Variants in SPEG observed in about 807,000 individuals in gnomAD.
SPEG encodes the protein striated muscle enriched protein kinase.
Under a neutral mutation model 300.4 loss-of-function variants are expected in SPEG, and 114 were observed. The ratio of observed to expected loss-of-function variants is 0.38; its 90% CI spans 0.33 to 0.44. SPEG has a LOEUF of 0.44. Among genes scored for constraint, SPEG ranks in the 20% least tolerant of loss-of-function variants. The pLI is 1.00. For synonymous variants in SPEG, 1,964 were observed against 2,018.9 expected, an observed-to-expected ratio of 0.97 and a Z score of 0.73; for missense variants, 4,201 against 4,586.2, an observed-to-expected ratio of 0.92 and a Z score of 2.43.
In SPEG at chr2:219,479,643, C is replaced by T. The variant is rs188409205; in HGVS notation, c.5086-140C>T. 170 of 737,002 alleles carry T rather than the reference C, an allele frequency of 2.3e-4. No individual in the cohort carries two copies. The highest frequency in any genetic ancestry group is 3.5e-4 in the Non-Finnish European group (150 of 423,644). The allele number at this position is 737,002 out of a possible 1,614,324, so 45.7% of individuals were successfully genotyped here. A position where few individuals can be genotyped will look rare whatever the true frequency, so the allele number is the denominator to read the frequency against. On this transcript the variant is annotated intron_variant, in intron 23 of 40. Coordinates refer to ENST00000312358, the MANE Select transcript of SPEG (RefSeq NM_005876.5). The surrounding 1 kb of genome is among the most constrained non-coding windows in gnomAD (Gnocchi z 5.5). ...TGCATATGGTAGCCTTGGATCTTTG[C>T]AACCCCAAACCTGTTTCAGCCCCTT... is the stretch of plus-strand genomic sequence containing the variant.
At position 219,443,986 on chromosome 2, in the gene SPEG, C is replaced by T; in HGVS notation, c.389-667C>T. The T allele has an allele frequency of 2.2e-6, 3 of 1,358,584 alleles. No individual in the cohort carries two copies. The highest frequency in any genetic ancestry group is 2.9e-6 in the Non-Finnish European group (3 of 1,017,590). The allele number at this position is 1,358,584 out of a possible 1,614,324, so 84.2% of individuals were successfully genotyped here. ...CCCTGCCCCACAAACGCTCTGATAA[C>T]AGTCTGTCCCTGTCTCTCTCCTGCT... On this transcript the variant is annotated intron_variant, in intron 1 of 40. Transcript: ENST00000312358. This position sits in a 1 kb window ranked among gnomAD's most constrained non-coding sequence, Gnocchi z 4.6.
Position 219,479,261 on chromosome 2 carries a change from G to T in SPEG, c.5085+60G>T. 6.8e-7 allele frequency: 1 copy of T among 1,464,372 alleles called. No homozygotes were observed. The highest frequency in any genetic ancestry group is 1.2e-5 in the South Asian group (1 of 86,940). The allele number at this position is 1,464,372 out of a possible 1,614,324, so 90.7% of individuals were successfully genotyped here. A position where few individuals can be genotyped will look rare whatever the true frequency, so the allele number is the denominator to read the frequency against. ...ACCAGCCTTCACCCACCTGAGCTTT[G>T]AGAACCAACAAATGGGTCCTGAGTG... is the stretch of plus-strand genomic sequence containing the variant. On this transcript the variant is annotated intron_variant, in intron 23 of 40. Transcript: ENST00000312358. The surrounding 1 kb of genome is among the most constrained non-coding windows in gnomAD (Gnocchi z 5.5).
In SPEG at chr2:219,489,748, A is replaced by G; in HGVS notation, c.8730A>G (p.Pro2910=). Residue 2910 remains proline, a synonymous_variant, in exon 36 of 41, where the codon CCA becomes CCG. Coordinates refer to ENST00000312358, the MANE Select transcript of SPEG (RefSeq NM_005876.5). The part of the protein sequence containing the change: ...VYVVTSFVSA[P]PAPEPPAPEP... Reference sequence around the variant, plus strand: ...TGGTGACTTCCTTTGTGTCTGCACCACCAGCCCCTGAGCCCCCAGCCCCTG... The same window carrying G: ...TGGTGACTTCCTTTGTGTCTGCACCGCCAGCCCCTGAGCCCCCAGCCCCTG... 2 of 1,613,490 alleles carry G rather than the reference A, an allele frequency of 1.2e-6. No individual in the cohort carries two copies. Among genetic ancestry groups the G allele is most frequent in the South Asian group, 1.1e-5 (1 of 91,048 alleles).
Position 219,448,702 on chromosome 2 carries a change from A to G in SPEG, c.1544A>G (p.Glu515Gly). ...CGGGAGGAGCTGGTGCGCTCGCACG[A>G]GTCCCTGCGCGCCACGCTGCAGCGT... ...TSREELVRSHESLRATLQRAP... is the reference protein window; with the variant it reads ...TSREELVRSHGSLRATLQRAP... Residue 515 changes from glutamate to glycine, a missense_variant, in exon 4 of 41, where the codon GAG becomes GGG. By Grantham distance (98) the Glu-to-Gly change is moderately conservative. Around this residue, in one of 4 missense-constraint regions of SPEG, gnomAD observed 1,258 missense variants for 1,293.9 expected, o/e 0.97. Transcript: ENST00000312358. 6.7e-7 allele frequency: 1 copy of G among 1,493,532 alleles called. No individual in the cohort carries two copies. Among genetic ancestry groups the G allele is most frequent in the Non-Finnish European group, 8.9e-7 (1 of 1,129,712 alleles). 92.5% of individuals were successfully genotyped at this position (1,493,532 alleles called of 1,614,324 possible). A position where few individuals can be genotyped will look rare whatever the true frequency, so the allele number is the denominator to read the frequency against.
At chr2:219,456,210 T>C (rs1182941616) in intron 6 of SPEG, among the ~76,000 whole-genome samples, 4 of 152,240 alleles carry the variant, frequency 2.6e-5, no homozygotes, top group African/African-American at 7.2e-5. Context: ...GGTTGTTTAT[T>C]GGGGGCCATG....
intron 31 of SPEG, among the ~76,000 whole-genome samples, chr2:219,487,163 A>G: frequency 6.6e-6 from 1 of 151,784 alleles, no homozygotes; most frequent in African/African-American, 2.4e-5. Context: ...CTAAAGGGAC[A>G]TTCCCAGGGA....
Position 219,477,577 on chromosome 2 carries a change from G to GC in SPEG, c.4730-107dup. 1.5e-6 allele frequency: 2 copies of GC among 1,361,212 alleles called. No individual in the cohort carries two copies. Among genetic ancestry groups the GC allele is most frequent in the Non-Finnish European group, 2.0e-6 (2 of 1,001,664 alleles). 84.3% of individuals were successfully genotyped at this position (1,361,212 alleles called of 1,614,324 possible). Reference sequence around the variant, plus strand: ...CCCCCAGCCCAGCACCCCGCCTTGAGCCCCCAACATTCTTGCACCTCTTCT... The same window carrying GC: ...CCCCCAGCCCAGCACCCCGCCTTGAGCCCCCCAACATTCTTGCACCTCTTCT... On this transcript the variant is annotated intron_variant, in intron 20 of 40. Coordinates refer to ENST00000312358, the MANE Select transcript of SPEG (RefSeq NM_005876.5). This position sits in a 1 kb window ranked among gnomAD's most constrained non-coding sequence, Gnocchi z 6.4.
Position 219,471,931 on chromosome 2 carries a change from G to C in SPEG, c.3779G>C (p.Ser1260Thr). 6.2e-7 allele frequency: 1 copy of C among 1,613,990 alleles called. No homozygotes were observed. Among genetic ancestry groups the C allele is most frequent in the Non-Finnish European group, 8.5e-7 (1 of 1,180,012 alleles). The stretch of plus-strand genomic sequence containing the variant: ...CCTCAGCACGCCGGTGTCTACAAGA[G>C]CGTCATTGCCAACAAGCTGGGCAAA... ...VGPQHAGVYK[S>T]VIANKLGKAA... The change falls in exon 14 of 41, where the codon AGC (serine) becomes ACC (threonine). Residue 1260 changes from serine to threonine, a missense_variant. Transcript: ENST00000312358.
rs779084277 is a variant in SPEG, at chr2:219,469,324, C to T, written c.3660C>T (p.Ser1220=). 10 of 1,613,974 alleles carry T rather than the reference C, an allele frequency of 6.2e-6. No homozygotes were observed. The highest frequency in any genetic ancestry group is 7.6e-6 in the Non-Finnish European group (9 of 1,179,992). Residue 1220 remains serine, a synonymous_variant, in exon 13 of 41, where the codon AGC becomes AGT. Transcript: ENST00000312358. Reference sequence around the variant, plus strand: ...CCGGCCTGCCCTACCCCACCATCAGCTGGTTCCACAATGGCCACCGCATCC... The same window carrying T: ...CCGGCCTGCCCTACCCCACCATCAGTTGGTTCCACAATGGCCACCGCATCC... ...QVTGLPYPTI[S]WFHNGHRIQS... is the part of the protein sequence containing the mutation.
At chr2:219,436,171 C>T (rs1239560653) in intron 1 of SPEG, among the ~76,000 whole-genome samples, 1 of 152,152 alleles carries the variant, frequency 6.6e-6, no homozygotes, top group Non-Finnish European at 1.5e-5. Context: ...CAGTGCTTGT[C>T]CCCCGCCCAT....
chr2:219,448,008 C>G lies in SPEG; in HGVS notation c.850C>G (p.Pro284Ala), dbSNP rs202119047. The change falls in exon 4 of 41, where the codon CCC becomes GCC. Residue 284 changes from proline (P) to alanine (A), a missense_variant. Pro to Ala is a conservative substitution (Grantham distance 27). This residue lies in a region of SPEG where 1,258 missense variants were observed against 1,293.9 expected (regional missense o/e 0.97). Coordinates refer to ENST00000312358, the MANE Select transcript of SPEG (RefSeq NM_005876.5). ...VPQSGLRREE[P>A]DLQPQLASEA... Reference sequence around the variant, plus strand: ...TCAGAGCGGGTTGCGCAGGGAGGAGCCCGACCTTCAGCCTCAACTGGCCAG... The same window carrying G: ...TCAGAGCGGGTTGCGCAGGGAGGAGGCCGACCTTCAGCCTCAACTGGCCAG... 38 of 1,612,394 alleles carry G rather than the reference C, an allele frequency of 2.4e-5. No homozygotes were observed. Among genetic ancestry groups the G allele is most frequent in the Non-Finnish European group, 3.2e-5 (38 of 1,179,914 alleles).
chr2:219,491,766 G>T, intron 38 of SPEG, 28 bp from the exon 39 acceptor site: 1 of 1,604,912 alleles, frequency 6.2e-7, no homozygotes, highest in Non-Finnish European at 8.5e-7. Context: ...CAGGAAGCTG[G>T]GTCAGCTTGG....
chr2:219,483,596 A>G lies in SPEG; in HGVS notation c.6133A>G (p.Ser2045Gly). The change falls in exon 30 of 41, where the codon AGC (serine) becomes GGC (glycine). Residue 2045 changes from serine to glycine, a missense_variant. This residue lies in a region of SPEG where 1,578 missense variants were observed against 1,506.0 expected (regional missense o/e 1.05). Coordinates refer to ENST00000312358, the MANE Select transcript of SPEG (RefSeq NM_005876.5). Reference sequence around the variant, plus strand: ...GTCTGTGGAGCTGCCGCAGCGCCGGAGCCCCAGCCCGGGAGCCACCCGCCT... The same window carrying G: ...GTCTGTGGAGCTGCCGCAGCGCCGGGGCCCCAGCCCGGGAGCCACCCGCCT... The part of the protein sequence containing the change: ...AASVELPQRR[S>G]PSPGATRLAR... The G allele has an allele frequency of 6.7e-7, 1 of 1,485,910 alleles. No individual in the cohort carries two copies. Among genetic ancestry groups the G allele is most frequent in the East Asian group, 2.8e-5 (1 of 36,258 alleles). 92.0% of individuals were successfully genotyped at this position (1,485,910 alleles called of 1,614,324 possible).
At position 219,436,083 on chromosome 2, in the gene SPEG, A is replaced by G. The variant is rs144955583; in HGVS notation, c.388+718A>G. The stretch of plus-strand genomic sequence containing the variant: ...TGAGGTATGGGCACGTGGAGCTGGA[A>G]TGGGAAGCTCCTGGACCATGTCTAC... On this transcript the variant is annotated intron_variant, in intron 1 of 40. Transcript: ENST00000312358. Among the ~76,000 whole-genome samples the G allele has an allele frequency of 2.0e-3, 304 of 152,318 alleles. 4 individuals carry two copies. The highest frequency in any genetic ancestry group is 6.9e-3 in the African/African-American group (288 of 41,570).
At chr2:219,460,550 C>A in intron 6 of SPEG, 2 of 985,470 alleles carry the variant, frequency 2.0e-6, no homozygotes, top group East Asian at 1.1e-4. Context: ...AGTCAAGGCA[C>A]CGCAGAGCGG....
At chr2:219,453,717 G>A (rs568355089) in intron 6 of SPEG, among the ~76,000 whole-genome samples, 1 of 152,340 alleles carries the variant, frequency 6.6e-6, no homozygotes, top group South Asian at 2.1e-4. Context: ...AGGCTGGCTC[G>A]GGGGCCCCAG....
chr2:219,480,497 A>G lies in SPEG; in HGVS notation c.5343-174A>G, dbSNP rs972698855. ...GCCATGACCCTGGACTTCTCCAGGC[A>G]TATCTGGACCTGTAGGTTCAGGGTC... On this transcript the variant is annotated intron_variant, in intron 25 of 40. Coordinates refer to ENST00000312358, the MANE Select transcript of SPEG (RefSeq NM_005876.5). The surrounding 1 kb of genome is among the most constrained non-coding windows in gnomAD (Gnocchi z 5.3). 1.3e-5 allele frequency among the ~76,000 whole-genome samples: 2 copies of G among 152,030 alleles called. No homozygotes were observed. Among genetic ancestry groups the G allele is most frequent in the African/African-American group, 4.8e-5 (2 of 41,364 alleles).
In SPEG at chr2:219,473,221, G is replaced by A. The variant is rs1215476031; in HGVS notation, c.4147+125G>A. 1.0e-6 allele frequency: 1 copy of A among 964,390 alleles called. No individual in the cohort carries two copies. Among genetic ancestry groups the A allele is most frequent in the Non-Finnish European group, 1.5e-6 (1 of 649,726 alleles). The allele number at this position is 964,390 out of a possible 1,614,324, so 59.7% of individuals were successfully genotyped here. A position where few individuals can be genotyped will look rare whatever the true frequency, so the allele number is the denominator to read the frequency against. ...TGGCAGGAGCAGCCTAGCCGGGCGG[G>A]ACCTTGGCCCATCTGTACACTTCCT... On this transcript the variant is annotated intron_variant, in intron 16 of 40. Transcript: ENST00000312358. This position sits in a 1 kb window ranked among gnomAD's most constrained non-coding sequence, Gnocchi z 4.6.
At chr2:219,446,032 G>T (rs1689259834) in intron 3 of SPEG, among the ~76,000 whole-genome samples, 2 of 151,834 alleles carry the variant, frequency 1.3e-5, no homozygotes. Flanking sequence ...GAGCTGAGGG[G>T]GGCCTGGTTT....
Sources: gnomAD v4.1 joint callset for allele counts (sites outside exome capture counted in the v4.1 genomes callset) on GRCh38, gnomAD v4.1.1 for gene constraint, gnomAD v4.1.1 regional missense constraint, Gnocchi (gnomAD v3.1) non-coding constraint, MANE v1.5 for transcripts, NCBI Gene and HGNC (gene_info 2026-07-23, HGNC 2026-07-21) for gene names.